Variants in RBMS3 observed in about 807,000 individuals in gnomAD.
The protein encoded by RBMS3 is RNA binding motif single stranded interacting protein 3.
Under a neutral mutation model 66.8 loss-of-function variants are expected in RBMS3, and 27 were observed. The ratio of observed to expected loss-of-function variants is 0.40; its 90% confidence interval spans 0.30 to 0.56. RBMS3 has a LOEUF of 0.56. Ranked by LOEUF, RBMS3 falls within the 20% of genes least tolerant of loss-of-function variation. The probability of loss-of-function intolerance (pLI) is 0.40; values close to 1 mark genes in which losing one functional copy is unlikely to be tolerated. For synonymous variants in RBMS3, 188 were observed against 183.0 expected (o/e 1.03, Z -0.22); for missense variants, 513 against 549.5 (o/e 0.93, Z 0.66).
At chr3:29,338,339 T>G (rs1371346940) in intron 1 of RBMS3, among the ~76,000 whole-genome samples, 6 of 152,166 alleles carry the variant, frequency 3.9e-5, no homozygotes, top group Non-Finnish European at 8.8e-5. Flanking sequence ...ATTTACAGAT[T>G]GGTGTCAACT....
chr3:29,965,751 A>G (rs778473666), intron 12 of RBMS3, among the ~76,000 whole-genome samples: 2 of 152,062 alleles, frequency 1.3e-5, no homozygotes, highest in Non-Finnish European at 2.9e-5. Context: ...AAAAAACTTT[A>G]TCTTTGTTTT....
chr3:29,985,546 C>T (rs986516159), intron 12 of RBMS3, among the ~76,000 whole-genome samples: 2 of 152,120 alleles, frequency 1.3e-5, no homozygotes, highest in Non-Finnish European at 2.9e-5. Context: ...GTATCTGGGC[C>T]AGAATGCATG....
At chr3:29,999,438 A>G (rs1483860543) in intron 14 of RBMS3, among the ~76,000 whole-genome samples, 2 of 152,242 alleles carry the variant, frequency 1.3e-5, no homozygotes, top group Non-Finnish European at 2.9e-5. Context: ...ATTATAAATC[A>G]TGCTGCTATA....
chr3:29,865,808 A>T (rs12497236), intron 6 of RBMS3, among the ~76,000 whole-genome samples: 37,836 of 151,948 alleles, frequency 0.25, 7,650 homozygotes, highest in African/African-American at 0.56. Context: ...TTCTGCTTAT[A>T]TGGACACAGT....
At chr3:29,893,180 ACT>A (rs2060045516) in intron 8 of RBMS3, among the ~76,000 whole-genome samples, 1 of 151,304 alleles carries the variant, frequency 6.6e-6, no homozygotes, top group African/African-American at 2.4e-5. Flanking sequence ...GTTCTAAATG[ACT>A]CTCTGACTTG....
intron 8 of RBMS3, among the ~76,000 whole-genome samples, chr3:29,887,808 AT>A (rs1285328650): frequency 1.3e-5 from 2 of 151,832 alleles, no homozygotes; most frequent in African/African-American, 4.8e-5. Context: ...GTTATGCATG[AT>A]TTTAATCAGT....
intron 1 of RBMS3, among the ~76,000 whole-genome samples, chr3:29,351,135 A>C (rs1394563487): frequency 6.6e-6 from 1 of 152,106 alleles, no homozygotes; most frequent in Non-Finnish European, 1.5e-5. Context: ...CATTCTTTTT[A>C]ATAGCAACGT....
chr3:29,404,777 G>T lies in RBMS3; in HGVS notation c.76-29966G>T, dbSNP rs149134352. Among the ~76,000 whole-genome samples the T allele has an allele frequency of 5.3e-5, 8 of 152,200 alleles. No homozygotes were observed. In the East Asian group the frequency reaches 1.5e-3, roughly 29 times the overall value. ...GGGTTACAAATAGGTCAGTTCTGAA[G>T]ATGGCAAAGTACCTGCAAACTGAAT... On this transcript the variant is annotated intron_variant, in intron 1 of 14. Coordinates refer to ENST00000383767, the MANE Select transcript of RBMS3 (RefSeq NM_001003793.3).
intron 4 of RBMS3, among the ~76,000 whole-genome samples, chr3:29,664,544 G>A (rs938863507): frequency 7.2e-5 from 11 of 151,950 alleles, no homozygotes; most frequent in African/African-American, 2.4e-4. Flanking sequence ...GTTTTCCAAA[G>A]TTGAAGCAAT....
chr3:29,819,440 T>A (rs940357836), intron 6 of RBMS3, among the ~76,000 whole-genome samples: 21 of 152,346 alleles, frequency 1.4e-4, no homozygotes, highest in Middle Eastern at 6.8e-3. Context: ...CAAGCCATAG[T>A]TTACCAATTC....
intron 6 of RBMS3, among the ~76,000 whole-genome samples, chr3:29,832,904 T>G (rs1342041654): frequency 2.0e-5 from 3 of 152,090 alleles, no homozygotes; most frequent in Non-Finnish European, 4.4e-5. Flanking sequence ...TATACCACTA[T>G]GGACAGCAAG....
chr3:29,850,806 C>T (rs563898040), intron 6 of RBMS3, among the ~76,000 whole-genome samples: 1 of 152,278 alleles, frequency 6.6e-6, no homozygotes, highest in African/African-American at 2.4e-5. Context: ...CACCTTTCTC[C>T]TCAGGCATCC....
intron 1 of RBMS3, among the ~76,000 whole-genome samples, chr3:29,366,561 T>C (rs1032602171): frequency 7.3e-4 from 111 of 152,222 alleles, no homozygotes; most frequent in Middle Eastern, 6.8e-3. Context: ...TTAATTTTTT[T>C]TTTTGTAAAG....
In RBMS3 at chr3:29,936,208, A is replaced by G; in HGVS notation, c.1050+12A>G. On this transcript the variant is annotated intron_variant, in intron 11 of 14. Transcript: ENST00000383767. ...GCACAACAGGAACGGTGAGTTGAAG[A>G]GATTGTTTTGTTTCCTTGAACTTTT... The G allele has an allele frequency of 6.2e-7, 1 of 1,608,664 alleles. No homozygotes were observed. The highest frequency in any genetic ancestry group is 2.2e-5 in the East Asian group (1 of 44,814).
At chr3:29,953,809 T>C (rs1695846736) in intron 12 of RBMS3, among the ~76,000 whole-genome samples, 2 of 151,912 alleles carry the variant, frequency 1.3e-5, no homozygotes, top group South Asian at 4.1e-4. Flanking sequence ...TTTCACCTTT[T>C]TAAGTTCCAA....
rs2053728810 is a variant in RBMS3, at chr3:29,723,415, CT to C, written c.400-16300del. 2.0e-5 allele frequency among the ~76,000 whole-genome samples: 3 copies of C among 152,124 alleles called. No individual in the cohort carries two copies. In the South Asian group the frequency reaches 6.2e-4, roughly 32 times the overall value. On this transcript the variant is annotated intron_variant, in intron 4 of 14. Transcript: ENST00000383767. ...TATTATACTTTAAGTACAGGTTTAT[CT>C]TTTTCCTCTTTTGTCTAGTAATTCA...
chr3:29,545,702 T>G (rs1012243185), intron 3 of RBMS3, among the ~76,000 whole-genome samples: 73 of 152,338 alleles, frequency 4.8e-4, no homozygotes, highest in African/African-American at 1.7e-3. Flanking sequence ...TCTTGTCTTT[T>G]TTTTGTTTTG....
At chr3:29,900,708 G>A (rs2060231835) in intron 10 of RBMS3, among the ~76,000 whole-genome samples, 1 of 151,726 alleles carries the variant, frequency 6.6e-6, no homozygotes, top group African/African-American at 2.4e-5. Flanking sequence ...GTGCTTTTGT[G>A]AGGATCAAAT....
At chr3:29,358,166 T>C (rs1389019270) in intron 1 of RBMS3, among the ~76,000 whole-genome samples, 2 of 152,186 alleles carry the variant, frequency 1.3e-5, no homozygotes, top group Non-Finnish European at 2.9e-5. Context: ...CTCTAGAGAT[T>C]TTATGGTTTT....
Sources: allele counts gnomAD v4.1 joint callset (sites outside exome capture counted in the v4.1 genomes callset), GRCh38; gene constraint gnomAD v4.1.1; transcripts MANE v1.5; gene names NCBI Gene and HGNC (gene_info 2026-07-23, HGNC 2026-07-21).